The following GRK5 variants were observed in gnomAD, a reference collection of about 807,000 sequenced individuals.
The protein encoded by GRK5 is g protein-coupled receptor kinase GRK5.
A neutral mutation model predicts 78.4 loss-of-function variants in GRK5; 40 were observed. That is an observed-to-expected ratio of 0.51 (90% CI 0.40 to 0.66). GRK5 has a LOEUF of 0.66. Ranked by LOEUF, GRK5 falls within the 30% of genes least tolerant of loss-of-function variation. The pLI, the probability that GRK5 is intolerant of heterozygous loss-of-function variation, is 0.00. For synonymous variants in GRK5, 289 were observed against 296.8 expected (o/e 0.97, Z 0.27); for missense variants, 598 against 759.9 (o/e 0.79, Z 2.50).
chr10:119,443,795 C>A (rs1264294210), intron 12 of GRK5, 43 bp downstream of exon 12: 4 of 1,511,218 alleles, frequency 2.6e-6, no homozygotes, highest in Non-Finnish European at 2.7e-6. Flanking sequence ...GCTGGTGGCT[C>A]CCCTCCCTGG....
chr10:119,453,113 C>G (rs376873764), intron 14 of GRK5, 32 bp from the exon 15 acceptor site: 1 of 1,380,526 alleles, frequency 7.2e-7, no homozygotes, highest in Non-Finnish European at 1.0e-6. Context: ...CCCCAGTTGA[C>G]GGCCTGTGTT....
chr10:119,347,566 C>T (rs57025069), intron 2 of GRK5, among the ~76,000 whole-genome samples: 2,803 of 152,352 alleles, frequency 0.018, 106 homozygotes, highest in African/African-American at 0.064. Context: ...TCCACCTCAA[C>T]AGATATCAAG....
At chr10:119,369,267 T>C (rs1393326615) in intron 2 of GRK5, among the ~76,000 whole-genome samples, 1 of 152,192 alleles carries the variant, frequency 6.6e-6, no homozygotes, top group East Asian at 1.9e-4. Context: ...GTAGAAAGAA[T>C]GTCCTTCTAA....
At chr10:119,408,815 T>C (rs1373630294) in intron 4 of GRK5, among the ~76,000 whole-genome samples, 1 of 152,166 alleles carries the variant, frequency 6.6e-6, no homozygotes, top group East Asian at 1.9e-4. Context: ...TGCCACTGAA[T>C]TGTACACTTT....
chr10:119,255,789 T>C (rs1478077378), intron 1 of GRK5, among the ~76,000 whole-genome samples: 1 of 152,034 alleles, frequency 6.6e-6, no homozygotes, highest in East Asian at 1.9e-4. Context: ...TTATCATGGA[T>C]TGTGCTAGCA....
At position 119,455,259 on chromosome 10, in the gene GRK5, A is replaced by G; in HGVS notation, c.*192A>G. 1 of 701,962 alleles carries G rather than the reference A, an allele frequency of 1.4e-6. No individual in the cohort carries two copies. The highest frequency in any genetic ancestry group is 2.6e-6 in the Non-Finnish European group (1 of 385,256). The allele number at this position is 701,962 out of a possible 1,614,324, so 43.5% of individuals were successfully genotyped here. A position where few individuals can be genotyped will look rare whatever the true frequency, so the allele number is the denominator to read the frequency against. ...AATTTCCACTCAGGTCTGTTTTCCG[A>G]GGCGGCCCCGGCCGGGGTGGATTGG... On this transcript the variant is annotated 3_prime_UTR_variant, in exon 16 of 16. Coordinates refer to ENST00000392870, the MANE Select transcript of GRK5 (RefSeq NM_005308.3).
intron 1 of GRK5, among the ~76,000 whole-genome samples, chr10:119,269,532 G>A (rs61874482): frequency 0.048 from 7,263 of 152,034 alleles, 312 homozygotes; most frequent in African/African-American, 0.11. Context: ...TAGGTTTAGG[G>A]TCAAGACTGA....
intron 1 of GRK5, among the ~76,000 whole-genome samples, chr10:119,256,542 G>A (rs1849288850): frequency 6.6e-6 from 1 of 152,128 alleles, no homozygotes. Context: ...GCTGCTCTCT[G>A]GGTACATGGA....
At chr10:119,236,764 C>A (rs1211007850) in intron 1 of GRK5, among the ~76,000 whole-genome samples, 3 of 151,890 alleles carry the variant, frequency 2.0e-5, no homozygotes, top group African/African-American at 7.3e-5. Flanking sequence ...CTCAGCCTCA[C>A]AAGTAGCTGG....
rs903788391 is a variant in GRK5 at position 119,238,409 on chromosome 10, C to G, written c.52+30440C>G. On this transcript the variant is annotated intron_variant, in intron 1 of 15. Coordinates refer to ENST00000392870, the MANE Select transcript of GRK5 (RefSeq NM_005308.3). The surrounding 1 kb of genome is among the most constrained non-coding windows in gnomAD (Gnocchi z 4.7). Reference sequence around the variant, plus strand: ...TCTGGAATGGAGGGTGTGGCCCTGCCTGGCACTGGGATGGACCCAATGGTC... The same window carrying G: ...TCTGGAATGGAGGGTGTGGCCCTGCGTGGCACTGGGATGGACCCAATGGTC... Among the ~76,000 whole-genome samples, 1 of 152,202 alleles carries G rather than the reference C, an allele frequency of 6.6e-6. No homozygotes were observed. The highest frequency in any genetic ancestry group is 1.5e-5 in the Non-Finnish European group (1 of 68,042).
At chr10:119,241,325 C>A (rs138354388) in intron 1 of GRK5, among the ~76,000 whole-genome samples, 59 of 152,236 alleles carry the variant, frequency 3.9e-4, no homozygotes, top group African/African-American at 1.4e-3. Flanking sequence ...GAAAGTGACC[C>A]TAGAACACCT....
chr10:119,231,278 A>G (rs1848824612), intron 1 of GRK5, among the ~76,000 whole-genome samples: 1 of 152,210 alleles, frequency 6.6e-6, no homozygotes, highest in Non-Finnish European at 1.5e-5. Flanking sequence ...GACATTTCTC[A>G]AAAGAAGACA....
At chr10:119,281,515 A>G (rs1476700309) in intron 1 of GRK5, among the ~76,000 whole-genome samples, 1 of 152,140 alleles carries the variant, frequency 6.6e-6, no homozygotes, top group Non-Finnish European at 1.5e-5. Context: ...TGGTGCTTGT[A>G]TGCGGATGCT....
At chr10:119,228,304 C>T (rs753961815) in intron 1 of GRK5, among the ~76,000 whole-genome samples, 32 of 151,940 alleles carry the variant, frequency 2.1e-4, no homozygotes, top group Non-Finnish European at 4.1e-4. Flanking sequence ...ACGATGGTGC[C>T]AGTATGCTCC....
At chr10:119,246,360 A>G (rs1377772078) in intron 1 of GRK5, among the ~76,000 whole-genome samples, 3 of 152,200 alleles carry the variant, frequency 2.0e-5, no homozygotes, top group Non-Finnish European at 4.4e-5. Context: ...TGTTCAGTAC[A>G]GACGGCTTTT....
rs564595327 is a variant in GRK5 at position 119,420,152 on chromosome 10, C to T, written c.340-3014C>T. On this transcript the variant is annotated intron_variant, in intron 4 of 15. Transcript: ENST00000392870. ...TCGGTTTCCTCATCTGCAAAATGGA[C>T]ACTATAATAATAGCCACCTCAGGAT... Among the ~76,000 whole-genome samples the T allele has an allele frequency of 2.7e-4, 41 of 152,304 alleles. No homozygotes were observed. In the South Asian group the frequency reaches 7.9e-3, roughly 29 times the overall value.
chr10:119,244,484 A>G (rs1225640447), intron 1 of GRK5, among the ~76,000 whole-genome samples: 1 of 152,282 alleles, frequency 6.6e-6, no homozygotes, highest in East Asian at 1.9e-4. Flanking sequence ...ATATGAAAAG[A>G]TGCTCAATAT....
chr10:119,370,115 T>C (rs907218600), intron 2 of GRK5, among the ~76,000 whole-genome samples: 5 of 152,134 alleles, frequency 3.3e-5, no homozygotes, highest in African/African-American at 1.2e-4. Flanking sequence ...CTGCATCTGA[T>C]GGGTTCAAGC....
At chr10:119,423,974 A>T (rs1852623166) in intron 5 of GRK5, among the ~76,000 whole-genome samples, 1 of 152,196 alleles carries the variant, frequency 6.6e-6, no homozygotes, top group Non-Finnish European at 1.5e-5. Flanking sequence ...GGGGATACCA[A>T]GGTGAACAAG....
Sources: gnomAD v4.1 joint callset for allele counts (sites outside exome capture counted in the v4.1 genomes callset) on GRCh38, gnomAD v4.1.1 for gene constraint, Gnocchi (gnomAD v3.1) non-coding constraint, MANE v1.5 for transcripts, NCBI Gene and HGNC (gene_info 2026-07-23, HGNC 2026-07-21) for gene names.